Variants in MAML3 observed in about 807,000 individuals in gnomAD.
MAML3 encodes the protein mastermind-like protein 3.
MAML3 carries 27 observed loss-of-function variants against 101.9 expected under a neutral mutation model. The ratio of observed to expected loss-of-function variants is 0.27; its 90% CI spans 0.20 to 0.37. The LOEUF (loss-of-function observed/expected upper bound fraction) is 0.37. Ranked by LOEUF, MAML3 falls within the 10% of genes least tolerant of loss-of-function variation. MAML3 has a pLI of 1.00. For synonymous variants in MAML3, 501 were observed against 555.9 expected (o/e 0.90, Z 1.39); for missense variants, 1,316 against 1,444.9 (o/e 0.91, Z 1.45).
At chr4:139,764,169 A>C (rs1402140016) in intron 2 of MAML3, among the ~76,000 whole-genome samples, 1 of 152,248 alleles carries the variant, frequency 6.6e-6, no homozygotes, top group Non-Finnish European at 1.5e-5. Flanking sequence ...AGCAGCAAAA[A>C]GACACTGCAT....
chr4:139,723,692 AAAT>A (rs1019615016), intron 4 of MAML3, among the ~76,000 whole-genome samples: 3 of 152,312 alleles, frequency 2.0e-5, no homozygotes, highest in African/African-American at 7.2e-5. Flanking sequence ...GGGAATTATT[AAAT>A]AATTCCCCTT....
chr4:139,774,561 T>C (rs1226912207), intron 2 of MAML3, among the ~76,000 whole-genome samples: 1 of 152,202 alleles, frequency 6.6e-6, no homozygotes, highest in African/African-American at 2.4e-5. Context: ...GCTTCAGAGA[T>C]GGCTAAGTAT....
intron 1 of MAML3, among the ~76,000 whole-genome samples, chr4:139,916,633 G>A (rs1477606614): frequency 6.6e-6 from 1 of 152,182 alleles, no homozygotes; most frequent in Non-Finnish European, 1.5e-5. Context: ...CACCAACCAT[G>A]GTTCTATTGC....
chr4:140,070,552 T>C (rs1727631219), intron 1 of MAML3, among the ~76,000 whole-genome samples: 1 of 152,206 alleles, frequency 6.6e-6, no homozygotes, highest in African/African-American at 2.4e-5. Flanking sequence ...AACTGCCTTG[T>C]AGCATCTCTA....
At position 140,124,514 on chromosome 4, in the gene MAML3, G is replaced by A. The variant is rs561133373; in HGVS notation, c.468+28346C>T. Among the ~76,000 whole-genome samples the A allele has an allele frequency of 8.5e-5, 13 of 152,226 alleles. No homozygotes were observed. In the East Asian group the frequency reaches 2.1e-3, roughly 25 times the overall value. On this transcript the variant is annotated intron_variant, in intron 1 of 4. Transcript: ENST00000509479. ...TAATTTGGGAAAATATAACCATTAG[G>A]AAGTGTTCTCTTAAGCGTCTGGAGA...
At chr4:139,870,190 A>G (rs1021327566) in intron 2 of MAML3, among the ~76,000 whole-genome samples, 6 of 152,188 alleles carry the variant, frequency 3.9e-5, no homozygotes, top group Non-Finnish European at 7.3e-5. Context: ...GGGCTAGATA[A>G]TGCTTTGTTG....
chr4:140,026,947 C>A (rs967277327), intron 1 of MAML3, among the ~76,000 whole-genome samples: 6 of 151,850 alleles, frequency 4.0e-5, no homozygotes, highest in Admixed American at 2.6e-4. Flanking sequence ...GCAATACTTT[C>A]TTATATAATT....
chr4:139,752,809 GA>G (rs1361429089), intron 2 of MAML3, among the ~76,000 whole-genome samples: 2 of 152,142 alleles, frequency 1.3e-5, no homozygotes, highest in Admixed American at 6.5e-5. Flanking sequence ...AATTTTAAGG[GA>G]AAAAAATGTC....
At chr4:139,843,219 TG>T (rs778315685) in intron 2 of MAML3, among the ~76,000 whole-genome samples, 65 of 152,186 alleles carry the variant, frequency 4.3e-4, no homozygotes, top group Non-Finnish European at 8.7e-4. Context: ...AATGGGGCTT[TG>T]GCAATTACCT....
At position 139,769,916 on chromosome 4, in the gene MAML3, C is replaced by CTTTTT. The variant is rs139445743; in HGVS notation, c.2080-39254_2080-39250dup. Among the ~76,000 whole-genome samples the CTTTTT allele has an allele frequency of 5.3e-5, 7 of 132,276 alleles. No homozygotes were observed. In the East Asian group the frequency reaches 1.6e-3, roughly 29 times the overall value. 86.8% of individuals were successfully genotyped at this position (132,276 alleles called of 152,430 possible). A position where few individuals can be genotyped will look rare whatever the true frequency, so the allele number is the denominator to read the frequency against. On this transcript the variant is annotated intron_variant, in intron 2 of 4. Transcript: ENST00000509479. ...AGGCGTGAGCCATCGCGCCCAGCCT[C>CTTTTT]TTTTTTTTTTTTTTTTTTTTAAAGA...
intron 2 of MAML3, among the ~76,000 whole-genome samples, chr4:139,765,707 G>A (rs939358499): frequency 3.3e-5 from 5 of 152,190 alleles, no homozygotes; most frequent in Non-Finnish European, 7.3e-5. Flanking sequence ...TGAAGTATTG[G>A]CCAGGTGTGG....
At chr4:139,840,769 G>A (rs1057121128) in intron 2 of MAML3, among the ~76,000 whole-genome samples, 1 of 152,194 alleles carries the variant, frequency 6.6e-6, no homozygotes, top group Non-Finnish European at 1.5e-5. Flanking sequence ...GGTTTCTGAA[G>A]GTAAGGAGGA....
intron 1 of MAML3, among the ~76,000 whole-genome samples, chr4:139,932,249 AT>A (rs397762815): frequency 6.7e-6 from 1 of 149,960 alleles, no homozygotes; most frequent in Middle Eastern, 3.4e-3. Context: ...TGTTATCTTG[AT>A]TTTTTTTTTG....
At chr4:140,006,620 G>A (rs1726454255) in intron 1 of MAML3, among the ~76,000 whole-genome samples, 1 of 147,038 alleles carries the variant, frequency 6.8e-6, no homozygotes, top group African/African-American at 2.5e-5. Context: ...AAGTGAATTA[G>A]GAGACATTTG....
At chr4:140,101,001 G>A (rs1358563674) in intron 1 of MAML3, among the ~76,000 whole-genome samples, 1 of 152,144 alleles carries the variant, frequency 6.6e-6, no homozygotes, top group African/African-American at 2.4e-5. Context: ...GAGGCAGACA[G>A]GCCCAGTGGG....
intron 1 of MAML3, among the ~76,000 whole-genome samples, chr4:139,945,118 T>G (rs895274511): frequency 6.6e-6 from 1 of 152,224 alleles, no homozygotes; most frequent in Non-Finnish European, 1.5e-5. Context: ...CAAGGCAGTT[T>G]CCAGGAAGTT....
At chr4:139,949,362 G>A (rs112239322) in intron 1 of MAML3, among the ~76,000 whole-genome samples, 53 of 152,196 alleles carry the variant, frequency 3.5e-4, no homozygotes, top group African/African-American at 1.2e-3. Flanking sequence ...AGATAGAAGC[G>A]GTATCAGGAA....
chr4:139,924,907 G>T (rs1338428075), intron 1 of MAML3, among the ~76,000 whole-genome samples: 1 of 152,094 alleles, frequency 6.6e-6, no homozygotes, highest in Non-Finnish European at 1.5e-5. Flanking sequence ...AATAAAACCT[G>T]AGATTCCCAA....
intron 1 of MAML3, among the ~76,000 whole-genome samples, chr4:140,028,302 G>A (rs1726857971): frequency 6.6e-6 from 1 of 152,048 alleles, no homozygotes; most frequent in Non-Finnish European, 1.5e-5. Context: ...CCTGGGGTAA[G>A]GATTCTGAAA....
Sources: gnomAD v4.1 joint callset for allele counts (sites outside exome capture counted in the v4.1 genomes callset) on GRCh38, gnomAD v4.1.1 for gene constraint, MANE v1.5 for transcripts, NCBI Gene and HGNC (gene_info 2026-07-23, HGNC 2026-07-21) for gene names.